The following SH3BP4 variants were observed in gnomAD, a reference collection of about 807,000 sequenced individuals.
SH3BP4 encodes the protein SH3 domain-binding protein 4.
In SH3BP4, 33 loss-of-function variants were observed where a neutral mutation model predicts 65.5. That is an observed-to-expected ratio of 0.50 (90% CI 0.38 to 0.67). The LOEUF (loss-of-function observed/expected upper bound fraction) is 0.67, where lower values mean the gene tolerates loss of function less well. Among genes scored for constraint, SH3BP4 ranks in the 30% least tolerant of loss-of-function variants. SH3BP4 has a pLI of 0.00. For synonymous variants in SH3BP4, 552 were observed against 545.5 expected (o/e 1.01, Z -0.17); for missense variants, 1,134 against 1,261.4 (o/e 0.90, Z 1.53).
At chr2:235,012,280 T>C (rs1694535360) in intron 2 of SH3BP4, among the ~76,000 whole-genome samples, 1 of 152,140 alleles carries the variant, frequency 6.6e-6, no homozygotes, top group South Asian at 2.1e-4. Flanking sequence ...AGTTCAGTGA[T>C]TGACAGCCAC....
chr2:235,053,897 G>A lies in SH3BP4; in HGVS notation c.*81G>A. ...GCCCTGCTGTCACCGCGGAGCTGAA[G>A]AGGGAGGAAGGGGCGGCTGCTCAGA... On this transcript the variant is annotated 3_prime_UTR_variant, in exon 6 of 6. Transcript: ENST00000392011. 8.6e-7 allele frequency: 1 copy of A among 1,161,584 alleles called. No homozygotes were observed. Among genetic ancestry groups the A allele is most frequent in the Non-Finnish European group, 1.3e-6 (1 of 784,050 alleles). 72.0% of individuals were successfully genotyped at this position (1,161,584 alleles called of 1,614,324 possible). A position where few individuals can be genotyped will look rare whatever the true frequency, so the allele number is the denominator to read the frequency against.
chr2:235,002,468 C>G (rs1463359772), intron 2 of SH3BP4, among the ~76,000 whole-genome samples: 1 of 152,108 alleles, frequency 6.6e-6, no homozygotes. Context: ...TGCGGTGGCT[C>G]ATGACTGTAA....
intron 1 of SH3BP4, among the ~76,000 whole-genome samples, chr2:234,959,488 T>C (rs1239509009): frequency 6.6e-6 from 1 of 152,168 alleles, no homozygotes; most frequent in Non-Finnish European, 1.5e-5. Context: ...AAACTTACAA[T>C]ATATGATAGA....
Position 235,045,791 on chromosome 2 carries a change from A to G in SH3BP4, c.2478+2544A>G, listed in dbSNP as rs1695839965. ...CCACCGCTTTACCTGCCCCTCCCAG[A>G]GAGTCACAGCCAGGCCACCCCCTGC... On this transcript the variant is annotated intron_variant, in intron 4 of 5. Coordinates refer to ENST00000392011, the MANE Select transcript of SH3BP4 (RefSeq NM_014521.3). The surrounding 1 kb of genome is among the most constrained non-coding windows in gnomAD (Gnocchi z 4.3). 6.6e-6 allele frequency among the ~76,000 whole-genome samples: 1 copy of G among 152,092 alleles called. No individual in the cohort carries two copies. Among genetic ancestry groups the G allele is most frequent in the Admixed American group, 6.5e-5 (1 of 15,274 alleles).
chr2:235,020,254 T>TG (rs1189629394), intron 2 of SH3BP4, among the ~76,000 whole-genome samples: 1 of 152,214 alleles, frequency 6.6e-6, no homozygotes, highest in African/African-American at 2.4e-5. Context: ...CCCAGCACTT[T>TG]GGGAGGCCAA....
intron 1 of SH3BP4, among the ~76,000 whole-genome samples, chr2:234,969,794 T>C (rs1041817518): frequency 6.6e-6 from 1 of 152,224 alleles, no homozygotes; most frequent in Admixed American, 6.5e-5. Flanking sequence ...CTCTGCCCAG[T>C]GGGACCTTCC....
In SH3BP4 at chr2:235,041,905, A is replaced by G; in HGVS notation, c.1136A>G (p.Glu379Gly). 1 of 1,613,536 alleles carries G rather than the reference A, an allele frequency of 6.2e-7. No individual in the cohort carries two copies. The highest frequency in any genetic ancestry group is 8.5e-7 in the Non-Finnish European group (1 of 1,179,776). Reference sequence around the variant, plus strand: ...TCCTGCAGCATCAGCCCTGTGCTGGAGGTCAAGCTGAGCAACCTGGAGGTG... The same window carrying G: ...TCCTGCAGCATCAGCCCTGTGCTGGGGGTCAAGCTGAGCAACCTGGAGGTG... ...DRSCSISPVLEVKLSNLEVKT... is the reference protein window; with the variant it reads ...DRSCSISPVLGVKLSNLEVKT... Residue 379 changes from glutamate to glycine, a missense_variant, in exon 4 of 6, where the codon GAG becomes GGG. Physicochemically the swap from Glu to Gly is moderately conservative, Grantham distance 98. Coordinates refer to ENST00000392011, the MANE Select transcript of SH3BP4 (RefSeq NM_014521.3). The surrounding 1 kb of genome is among the most constrained non-coding windows in gnomAD (Gnocchi z 6.0).
intron 2 of SH3BP4, among the ~76,000 whole-genome samples, chr2:235,002,267 T>G (rs1255977470): frequency 6.6e-6 from 1 of 152,234 alleles, no homozygotes; most frequent in Admixed American, 6.5e-5. Flanking sequence ...AGAACTCTCC[T>G]GCAGGCTTAT....
In SH3BP4 at chr2:235,052,798, G is replaced by A. The variant is rs1696103835; in HGVS notation, c.2667+48G>A. 6.7e-7 allele frequency: 1 copy of A among 1,499,100 alleles called. No individual in the cohort carries two copies. Among genetic ancestry groups the A allele is most frequent in the Non-Finnish European group, 9.0e-7 (1 of 1,116,516 alleles). 92.9% of individuals were successfully genotyped at this position (1,499,100 alleles called of 1,614,324 possible). ...GCTCACCGAGCCCCTCTGTCCCTGG[G>A]TTCCGTGGACCCATGCAGTGCAGCC... On this transcript the variant is annotated intron_variant, in intron 5 of 5. Transcript: ENST00000392011. The surrounding 1 kb of genome is among the most constrained non-coding windows in gnomAD (Gnocchi z 5.0).
intron 1 of SH3BP4, among the ~76,000 whole-genome samples, chr2:234,960,337 T>A (rs919477734): frequency 6.6e-6 from 1 of 152,222 alleles, no homozygotes; most frequent in African/African-American, 2.4e-5. Flanking sequence ...GTTTGAGGAA[T>A]CGATATTTCA....
chr2:235,055,343 C>T lies in SH3BP4; in HGVS notation c.*1527C>T, dbSNP rs1696191349. 3 of 152,588 alleles carry T rather than the reference C, an allele frequency of 2.0e-5. No individual in the cohort carries two copies. Among genetic ancestry groups the T allele is most frequent in the Non-Finnish European group, 2.9e-5 (2 of 68,022 alleles). The allele number at this position is 152,588 out of a possible 1,614,324, so 9.5% of individuals were successfully genotyped here. A position where few individuals can be genotyped will look rare whatever the true frequency, so the allele number is the denominator to read the frequency against. On this transcript the variant is annotated 3_prime_UTR_variant, in exon 6 of 6. Transcript: ENST00000392011. The stretch of plus-strand genomic sequence containing the variant: ...CTGAAACGTTGTATAGCTACTTATT[C>T]AGATACTGAAGACCAACGGACTGAA...
At position 235,042,098 on chromosome 2, in the gene SH3BP4, C is replaced by G; in HGVS notation, c.1329C>G (p.His443Gln). 1 of 1,614,012 alleles carries G rather than the reference C, an allele frequency of 6.2e-7. No homozygotes were observed. Among genetic ancestry groups the G allele is most frequent in the African/African-American group, 1.3e-5 (1 of 75,046 alleles). ...SCGDTVQAQL[H>Q]NLEPCMYVAV... ...GGGACACGGTCCAGGCACAGCTGCA[C>G]AACCTGGAGCCCTGTATGTACGTGG... Residue 443 changes from histidine to glutamine, a missense_variant, in exon 4 of 6, where the codon CAC becomes CAG. His to Gln is a conservative substitution (Grantham distance 24). Coordinates refer to ENST00000392011, the MANE Select transcript of SH3BP4 (RefSeq NM_014521.3). This position sits in a 1 kb window ranked among gnomAD's most constrained non-coding sequence, Gnocchi z 7.3.
chr2:234,969,990 TAC>T (rs567097098), intron 1 of SH3BP4, among the ~76,000 whole-genome samples: 4 of 143,488 alleles, frequency 2.8e-5, no homozygotes, highest in African/African-American at 5.2e-5. Context: ...CACTCCCACA[TAC>T]ACACACTCGC....
intron 4 of SH3BP4, among the ~76,000 whole-genome samples, chr2:235,049,560 C>T (rs1449359114): frequency 1.3e-5 from 2 of 152,198 alleles, no homozygotes; most frequent in African/African-American, 2.4e-5. Context: ...TGACAGCCTA[C>T]CAGCTAACTA....
At chr2:235,009,071 G>A (rs1559242058) in intron 2 of SH3BP4, among the ~76,000 whole-genome samples, 1 of 152,200 alleles carries the variant, frequency 6.6e-6, no homozygotes. Flanking sequence ...ATAGCTGAGA[G>A]CTTAATGTTC....
Position 234,967,635 on chromosome 2 carries a change from C to T in SH3BP4, c.-207+15465C>T, listed in dbSNP as rs894956553. On this transcript the variant is annotated intron_variant, in intron 1 of 5. Coordinates refer to ENST00000392011, the MANE Select transcript of SH3BP4 (RefSeq NM_014521.3). The surrounding 1 kb of genome is among the most constrained non-coding windows in gnomAD (Gnocchi z 4.6). ...TGGCTCCATATCCGCGTCAGGTTAC[C>T]TCCTTCCCGTGCCTCCCTGGCTCCC... Among the ~76,000 whole-genome samples, 5 of 152,212 alleles carry T rather than the reference C, an allele frequency of 3.3e-5. No homozygotes were observed. The highest frequency in any genetic ancestry group is 1.2e-4 in the African/African-American group (5 of 41,458).
At chr2:235,043,969 G>A (rs987844500) in intron 4 of SH3BP4, among the ~76,000 whole-genome samples, 1 of 152,248 alleles carries the variant, frequency 6.6e-6, no homozygotes, top group African/African-American at 2.4e-5. Flanking sequence ...TCCCAGAATG[G>A]ACCAGATGCG....
At chr2:234,995,500 G>A (rs951059411) in intron 2 of SH3BP4, 124 bp downstream of exon 2, 7 of 152,330 alleles carry the variant, frequency 4.6e-5, no homozygotes, top group African/African-American at 1.7e-4. Context: ...CTGCAGGAGG[G>A]AGAATGCTTC....
At position 234,974,494 on chromosome 2, in the gene SH3BP4, G is replaced by A. The variant is rs1190743939; in HGVS notation, c.-206-20809G>A. Among the ~76,000 whole-genome samples, 1 of 152,234 alleles carries A rather than the reference G, an allele frequency of 6.6e-6. No individual in the cohort carries two copies. The highest frequency in any genetic ancestry group is 1.5e-5 in the Non-Finnish European group (1 of 68,038). On this transcript the variant is annotated intron_variant, in intron 1 of 5. Transcript: ENST00000392011. This position sits in a 1 kb window ranked among gnomAD's most constrained non-coding sequence, Gnocchi z 4.6. ...AGTTGCTCTGTGGACAGGCAGCCCTGGAGCTAACAGGAGTATCCTGCATCC... is the reference window on the plus strand; with the variant it reads ...AGTTGCTCTGTGGACAGGCAGCCCTAGAGCTAACAGGAGTATCCTGCATCC...
Sources: gnomAD v4.1 joint callset for allele counts (sites outside exome capture counted in the v4.1 genomes callset) on GRCh38, gnomAD v4.1.1 for gene constraint, Gnocchi (gnomAD v3.1) non-coding constraint, MANE v1.5 for transcripts, NCBI Gene and HGNC (gene_info 2026-07-23, HGNC 2026-07-21) for gene names.